CAMSAP1: variants seen among roughly 807,000 people sequenced by gnomAD.
The protein encoded by CAMSAP1 is calmodulin regulated spectrin associated protein 1.
In CAMSAP1, 58 loss-of-function variants were observed where a neutral mutation model predicts 143.5. That is an observed-to-expected ratio of 0.40 (90% CI 0.33 to 0.50). The LOEUF (loss-of-function observed/expected upper bound fraction) is 0.50, where lower values mean the gene tolerates loss of function less well. CAMSAP1 is among the 20% of genes least tolerant of loss of function. CAMSAP1 has a pLI of 0.45. For missense variants in CAMSAP1, 1,969 were observed against 2,115.7 expected, an observed-to-expected ratio of 0.93 and a Z score of 1.36; for synonymous variants, 945 against 859.3, an observed-to-expected ratio of 1.10 and a Z score of -1.74.
chr9:135,907,094 G>A lies in CAMSAP1; in HGVS notation c.66C>T (p.Gly22=). 3.5e-6 allele frequency: 4 copies of A among 1,147,184 alleles called. No individual in the cohort carries two copies. Among genetic ancestry groups the A allele is most frequent in the South Asian group, 6.5e-5 (2 of 30,752 alleles). 71.1% of individuals were successfully genotyped at this position (1,147,184 alleles called of 1,614,324 possible). A position where few individuals can be genotyped will look rare whatever the true frequency, so the allele number is the denominator to read the frequency against. ...GWRKMEAPPD[G]AADLVPLDRY... The stretch of plus-strand genomic sequence containing the variant: ...GGTCCAGGGGCACGAGGTCGGCGGC[G>A]CCGTCCGGCGGGGCCTCCATCTTCC... Residue 22 remains glycine (G), a synonymous_variant, in exon 1 of 17, where the codon GGC becomes GGT. Transcript: ENST00000389532.
chr9:135,895,654 C>G (rs770826082), intron 1 of CAMSAP1, among the ~76,000 whole-genome samples: 1 of 152,146 alleles, frequency 6.6e-6, no homozygotes, highest in Non-Finnish European at 1.5e-5. Context: ...TGAGTAAATA[C>G]AACAGACTAC....
At chr9:135,887,286 G>A (rs1194390421) in intron 1 of CAMSAP1, among the ~76,000 whole-genome samples, 1 of 152,200 alleles carries the variant, frequency 6.6e-6, no homozygotes, top group Admixed American at 6.5e-5. Flanking sequence ...TGAAGGGGCA[G>A]TGTGCACCAA....
At chr9:135,853,457 T>A (rs542513960) in intron 5 of CAMSAP1, among the ~76,000 whole-genome samples, 1 of 152,236 alleles carries the variant, frequency 6.6e-6, no homozygotes, top group African/African-American at 2.4e-5. Flanking sequence ...AATTTCTGCA[T>A]TGCCTTGTTA....
intron 3 of CAMSAP1, among the ~76,000 whole-genome samples, chr9:135,880,592 C>T (rs1027857181): frequency 6.6e-6 from 1 of 152,206 alleles, no homozygotes; most frequent in Non-Finnish European, 1.5e-5. Flanking sequence ...CAACTCCTGA[C>T]AAAGACCCGC....
intron 7 of CAMSAP1, among the ~76,000 whole-genome samples, chr9:135,831,388 C>T (rs1466735777): frequency 6.6e-6 from 1 of 151,846 alleles, no homozygotes; most frequent in Non-Finnish European, 1.5e-5. Context: ...AATCCCAGCA[C>T]TTTAGGAGAC....
intron 3 of CAMSAP1, among the ~76,000 whole-genome samples, chr9:135,874,646 C>T (rs1433700727): frequency 1.3e-5 from 2 of 151,822 alleles, no homozygotes; most frequent in East Asian, 1.9e-4. Context: ...AATATTCTAT[C>T]TGAGGTACTA....
chr9:135,894,390 C>A (rs563816149), intron 1 of CAMSAP1, among the ~76,000 whole-genome samples: 74 of 152,338 alleles, frequency 4.9e-4, no homozygotes, highest in Admixed American at 1.5e-3. Context: ...GAGCCACACT[C>A]CACGCACCTG....
rs1836720686 is a variant in CAMSAP1 at position 135,850,124 on chromosome 9, A to G, written c.1045+13T>C. The G allele has an allele frequency of 1.3e-6, 2 of 1,596,740 alleles. No individual in the cohort carries two copies. The highest frequency in any genetic ancestry group is 1.7e-6 in the Non-Finnish European group (2 of 1,171,598). On this transcript the variant is annotated intron_variant, in intron 7 of 16. Transcript: ENST00000389532. The stretch of plus-strand genomic sequence containing the variant: ...GGAAACCATTGCCAACCTGGGGAAT[A>G]TCTGTCACTCACCGTCTTTCAGCTC...
chr9:135,843,147 G>A (rs2131721916), intron 7 of CAMSAP1, among the ~76,000 whole-genome samples: 1 of 152,196 alleles, frequency 6.6e-6, no homozygotes, highest in East Asian at 1.9e-4. Flanking sequence ...GACCAACATG[G>A]AGAAACCCCG....
At chr9:135,881,859 G>T in intron 2 of CAMSAP1, 65 bp from the exon 3 acceptor site, 1 of 1,523,862 alleles carries the variant, frequency 6.6e-7, no homozygotes, top group Non-Finnish European at 8.9e-7. Context: ...CTGATGCAGG[G>T]AACCTGCTCA....
At chr9:135,896,037 T>C (rs1838439277) in intron 1 of CAMSAP1, among the ~76,000 whole-genome samples, 2 of 152,196 alleles carry the variant, frequency 1.3e-5, no homozygotes. Flanking sequence ...GTCCTAACGT[T>C]ATAAATAGTA....
chr9:135,906,919 C>G (rs1838800136), intron 1 of CAMSAP1, 81 bp downstream of exon 1: 1 of 819,810 alleles, frequency 1.2e-6, no homozygotes, highest in Non-Finnish European at 1.5e-6. Context: ...GCGCGGACCC[C>G]GACCCGGCCG....
At chr9:135,874,044 G>A (rs1837652705) in intron 3 of CAMSAP1, among the ~76,000 whole-genome samples, 1 of 152,010 alleles carries the variant, frequency 6.6e-6, no homozygotes, top group African/African-American at 2.4e-5. Flanking sequence ...TTTGTCCTGG[G>A]GATGAAAGGG....
In CAMSAP1 at chr9:135,811,959, C is replaced by A. The variant is rs140578501; in HGVS notation, c.4507-348G>T. Among the ~76,000 whole-genome samples, 1 of 152,136 alleles carries A rather than the reference C, an allele frequency of 6.6e-6. No homozygotes were observed. The highest frequency in any genetic ancestry group is 1.5e-5 in the Non-Finnish European group (1 of 68,030). On this transcript the variant is annotated intron_variant, in intron 16 of 16. Coordinates refer to ENST00000389532, the MANE Select transcript of CAMSAP1 (RefSeq NM_015447.4). This position sits in a 1 kb window ranked among gnomAD's most constrained non-coding sequence, Gnocchi z 4.9. Reference sequence around the variant, plus strand: ...GGACGGCTGGAACCCAGAAGCAGGGCGGTAACGAGTGCTGGCGAGCCATGG... The same window carrying A: ...GGACGGCTGGAACCCAGAAGCAGGGAGGTAACGAGTGCTGGCGAGCCATGG...
In CAMSAP1 at chr9:135,824,151, G is replaced by A. The variant is rs78711953; in HGVS notation, c.1316-117C>T. ...CTCAAGTCAGTACACCAGAAGGGCC[G>A]CATGGAAAGCAGAGAGGCAAAACCA... On this transcript the variant is annotated intron_variant, in intron 9 of 16. Coordinates refer to ENST00000389532, the MANE Select transcript of CAMSAP1 (RefSeq NM_015447.4). The surrounding 1 kb of genome is among the most constrained non-coding windows in gnomAD (Gnocchi z 4.1). The A allele has an allele frequency of 4.3e-3, 3,554 of 829,482 alleles. 82 individuals carry two copies. In the African/African-American group the frequency reaches 0.048, roughly 11 times the overall value. The allele number at this position is 829,482 out of a possible 1,614,324, so 51.4% of individuals were successfully genotyped here. A position where few individuals can be genotyped will look rare whatever the true frequency, so the allele number is the denominator to read the frequency against.
Position 135,811,204 on chromosome 9 carries a change from T to C in CAMSAP1, c.*105A>G, listed in dbSNP as rs185746692. On this transcript the variant is annotated 3_prime_UTR_variant, in exon 17 of 17. Coordinates refer to ENST00000389532, the MANE Select transcript of CAMSAP1 (RefSeq NM_015447.4). This position sits in a 1 kb window ranked among gnomAD's most constrained non-coding sequence, Gnocchi z 4.9. ...TGACTTTGCACACTTCGTACCCAAA[T>C]AGATGAAAACAATAAATAAGGACCC... The C allele has an allele frequency of 6.1e-6, 8 of 1,303,508 alleles. No homozygotes were observed. Among genetic ancestry groups the C allele is most frequent in the South Asian group, 3.0e-5 (2 of 65,710 alleles). 80.7% of individuals were successfully genotyped at this position (1,303,508 alleles called of 1,614,324 possible).
chr9:135,858,248 C>T (rs1837048130), intron 5 of CAMSAP1, among the ~76,000 whole-genome samples: 1 of 151,362 alleles, frequency 6.6e-6, no homozygotes, highest in South Asian at 2.1e-4. Context: ...TAATTCAGTT[C>T]CTTATTCTCC....
intron 1 of CAMSAP1, among the ~76,000 whole-genome samples, chr9:135,896,035 G>A (rs762615058): frequency 5.0e-4 from 76 of 152,138 alleles, no homozygotes; most frequent in Non-Finnish European, 8.2e-4. Flanking sequence ...AAGTCCTAAC[G>A]TTATAAATAG....
intron 1 of CAMSAP1, among the ~76,000 whole-genome samples, chr9:135,898,420 G>A (rs1344952922): frequency 6.6e-6 from 1 of 152,164 alleles, no homozygotes; most frequent in African/African-American, 2.4e-5. Context: ...TGAGATGGAA[G>A]AATCACTTGA....
Sources: gnomAD v4.1 joint callset for allele counts (sites outside exome capture counted in the v4.1 genomes callset) on GRCh38, gnomAD v4.1.1 for gene constraint, Gnocchi (gnomAD v3.1) non-coding constraint, MANE v1.5 for transcripts, NCBI Gene and HGNC (gene_info 2026-07-23, HGNC 2026-07-21) for gene names.